The following TNRC6B variants were observed in gnomAD, a reference collection of about 807,000 sequenced individuals.
TNRC6B encodes the protein trinucleotide repeat containing adaptor 6B, also known as trinucleotide repeat-containing gene 6B protein.
TNRC6B carries 52 observed loss-of-function variants against 203.6 expected under a neutral mutation model. The ratio of observed to expected loss-of-function variants is 0.26; its 90% CI spans 0.20 to 0.32. TNRC6B has a LOEUF of 0.32. Among genes scored for constraint, TNRC6B ranks in the 10% least tolerant of loss-of-function variants. The probability of loss-of-function intolerance (pLI) is 1.00; values close to 1 mark genes in which losing one functional copy is unlikely to be tolerated. For missense variants in TNRC6B, 1,923 were observed against 2,286.2 expected (o/e 0.84, Z 3.24); for synonymous variants, 838 against 845.7 (o/e 0.99, Z 0.16).
rs58240994 is a variant in TNRC6B, at chr22:40,075,156, A to ATTTT, written c.-121+30178_-121+30181dup. Among the ~76,000 whole-genome samples the ATTTT allele has an allele frequency of 3.7e-3, 132 of 35,474 alleles. 4 individuals are homozygous for ATTTT. In the Middle Eastern group the frequency reaches 0.075, roughly 20 times the overall value. 23.3% of individuals were successfully genotyped at this position (35,474 alleles called of 152,430 possible). ...TCTGTTCATATATATATATATATAT[A>ATTTT]TTTTTTTTTTTTTTTTTTTTTTTCT... On this transcript the variant is annotated intron_variant, in intron 1 of 23. Transcript: ENST00000301923.
chr22:40,253,734 G>A (rs2070228607), intron 3 of TNRC6B: 3 of 455,898 alleles, frequency 6.6e-6, no homozygotes. Context: ...CAGAGGGAGG[G>A]CCTGACCTTT....
At chr22:40,046,378 A>C (rs1328881513) in intron 1 of TNRC6B, among the ~76,000 whole-genome samples, 1 of 152,204 alleles carries the variant, frequency 6.6e-6, no homozygotes, top group East Asian at 1.9e-4. Flanking sequence ...ACGAAGGCAC[A>C]CTCACCAATA....
chr22:40,139,865 A>T (rs1306956895), intron 3 of TNRC6B, among the ~76,000 whole-genome samples: 1 of 152,142 alleles, frequency 6.6e-6, no homozygotes, highest in Admixed American at 6.5e-5. Flanking sequence ...TTTTCAAGTG[A>T]CTACACCATT....
chr22:40,303,917 A>T (rs925697275), intron 15 of TNRC6B, among the ~76,000 whole-genome samples: 1 of 151,930 alleles, frequency 6.6e-6, no homozygotes, highest in Non-Finnish European at 1.5e-5. Context: ...CTCAAAAATA[A>T]TTTTTTTTCC....
At chr22:40,113,966 A>G (rs575409068) in intron 1 of TNRC6B, among the ~76,000 whole-genome samples, 55 of 152,298 alleles carry the variant, frequency 3.6e-4, no homozygotes, top group African/African-American at 1.3e-3. Flanking sequence ...TTAAAAGTTT[A>G]TAGTGTATTC....
chr22:40,190,371 T>C (rs1241066023), intron 1 of TNRC6B, among the ~76,000 whole-genome samples: 1 of 152,196 alleles, frequency 6.6e-6, no homozygotes, highest in Non-Finnish European at 1.5e-5. Flanking sequence ...TCTGATTCAG[T>C]CTTGGAGGTT....
At chr22:40,241,074 A>T (rs572052733) in intron 1 of TNRC6B, among the ~76,000 whole-genome samples, 7 of 152,192 alleles carry the variant, frequency 4.6e-5, no homozygotes, top group Non-Finnish European at 8.8e-5. Context: ...TTTCTATGTA[A>T]TTGACCTGGG....
intron 3 of TNRC6B, among the ~76,000 whole-genome samples, chr22:40,137,705 C>T (rs762429578): frequency 6.6e-6 from 1 of 152,098 alleles, no homozygotes; most frequent in African/African-American, 2.4e-5. Context: ...ATGGACCTGC[C>T]GGGCCTGGTG....
chr22:40,297,428 A>G (rs982380548), intron 12 of TNRC6B, among the ~76,000 whole-genome samples: 2 of 152,216 alleles, frequency 1.3e-5, no homozygotes, highest in Admixed American at 1.3e-4. Context: ...GAAGTTAAAT[A>G]TGATAGAGGT....
chr22:40,309,102 G>C lies in TNRC6B; in HGVS notation c.4258+453G>C, dbSNP rs2071136604. ...ACATGAGATTTGAACTTTTCACAAAGCTTTCTTATTCTATGTGAATTAGAG... is the reference window on the plus strand; with the variant it reads ...ACATGAGATTTGAACTTTTCACAAACCTTTCTTATTCTATGTGAATTAGAG... On this transcript the variant is annotated intron_variant, in intron 16 of 22. Transcript: ENST00000454349. 2.0e-5 allele frequency among the ~76,000 whole-genome samples: 3 copies of C among 152,320 alleles called. No individual in the cohort carries two copies. In the South Asian group the frequency reaches 6.2e-4, roughly 32 times the overall value.
intron 3 of TNRC6B, among the ~76,000 whole-genome samples, chr22:40,154,459 A>G (rs1486769184): frequency 6.6e-6 from 1 of 151,640 alleles, no homozygotes; most frequent in African/African-American, 2.4e-5. Context: ...GCGAGACTCC[A>G]TCTCAAAAAT....
intron 1 of TNRC6B, among the ~76,000 whole-genome samples, chr22:40,241,603 C>T (rs182158595): frequency 6.6e-6 from 1 of 152,312 alleles, no homozygotes. Context: ...ATGCTGTGTT[C>T]TTCTTACAGC....
chr22:40,154,860 A>ATATATATAT (rs1373735446), intron 3 of TNRC6B, among the ~76,000 whole-genome samples: 16 of 23,588 alleles, frequency 6.8e-4, no homozygotes, highest in Non-Finnish European at 9.3e-4. Flanking sequence ...AAAAAAAAAA[A>ATATATATAT]ATATATATAT....
chr22:40,186,558 T>C (rs1224707790), intron 1 of TNRC6B, among the ~76,000 whole-genome samples: 1 of 151,676 alleles, frequency 6.6e-6, no homozygotes, highest in Non-Finnish European at 1.5e-5. Flanking sequence ...GCCAACATGG[T>C]GAAACCCCGT....
intron 3 of TNRC6B, among the ~76,000 whole-genome samples, chr22:40,147,522 G>A (rs1226397266): frequency 6.6e-6 from 1 of 152,174 alleles, no homozygotes; most frequent in East Asian, 1.9e-4. Flanking sequence ...TGTTGTCAGG[G>A]GAGGCCCCAA....
rs1169425640 is a variant in TNRC6B, at chr22:40,334,654, A to G, written c.*11413A>G. ...GGGGGCTATGTTTACATAGTAAAAT[A>G]CATCCTACCAAATCAGGAAACAGTG... is the stretch of plus-strand genomic sequence containing the variant. On this transcript the variant is annotated 3_prime_UTR_variant, in exon 23 of 23. Coordinates refer to ENST00000454349, the MANE Select transcript of TNRC6B (RefSeq NM_001162501.2). 1.3e-5 allele frequency: 2 copies of G among 152,638 alleles called. No individual in the cohort carries two copies. The highest frequency in any genetic ancestry group is 2.9e-5 in the Non-Finnish European group (2 of 68,020). The allele number at this position is 152,638 out of a possible 1,614,324, so 9.5% of individuals were successfully genotyped here.
At chr22:40,067,044 C>T (rs540823269) in intron 1 of TNRC6B, among the ~76,000 whole-genome samples, 6 of 152,076 alleles carry the variant, frequency 3.9e-5, no homozygotes, top group East Asian at 1.9e-4. Flanking sequence ...GCTGGGATTA[C>T]GGGCACATGC....
chr22:40,221,256 G>A (rs2069704077), intron 1 of TNRC6B, among the ~76,000 whole-genome samples: 1 of 152,110 alleles, frequency 6.6e-6, no homozygotes, highest in South Asian at 2.1e-4. Flanking sequence ...ATGGTTTGTA[G>A]TACGTACCTG....
chr22:40,214,994 T>C (rs1224710702), intron 1 of TNRC6B, among the ~76,000 whole-genome samples: 1 of 137,232 alleles, frequency 7.3e-6, no homozygotes, highest in African/African-American at 2.4e-5. Flanking sequence ...GTTTCTTCTG[T>C]AATAATTTTC....
Sources: gnomAD v4.1 joint callset for allele counts (sites outside exome capture counted in the v4.1 genomes callset) on GRCh38, gnomAD v4.1.1 for gene constraint, MANE v1.5 for transcripts, NCBI Gene and HGNC (gene_info 2026-07-23, HGNC 2026-07-21) for gene names.